The following PAPPA2 variants were observed in gnomAD, a reference collection of about 807,000 sequenced individuals.
PAPPA2 encodes the protein pappalysin-2.
PAPPA2 carries 86 observed loss-of-function variants against 176.4 expected under a neutral mutation model. The observed-to-expected ratio is 0.49, with a 90% CI of 0.41 to 0.58. PAPPA2 has a LOEUF of 0.58. Ranked by LOEUF, PAPPA2 falls within the 20% of genes least tolerant of loss-of-function variation. PAPPA2 has a pLI of 0.00. For missense variants in PAPPA2, 2,073 were observed against 2,256.9 expected (o/e 0.92, Z 1.65); for synonymous variants, 809 against 852.2 (o/e 0.95, Z 0.88).
intron 3 of PAPPA2, among the ~76,000 whole-genome samples, chr1:176,661,447 C>T (rs1485148047): frequency 4.6e-5 from 7 of 151,154 alleles, no homozygotes; most frequent in South Asian, 2.1e-4. Context: ...CTGAAGCTTC[C>T]GTTAGAACTG....
chr1:176,792,774 G>A (rs1284754994), intron 19 of PAPPA2, among the ~76,000 whole-genome samples: 1 of 151,952 alleles, frequency 6.6e-6, no homozygotes, highest in Admixed American at 6.6e-5. Context: ...AACCTAGACA[G>A]TAAGGACTAA....
chr1:176,763,485 A>G (rs78573046), intron 14 of PAPPA2, among the ~76,000 whole-genome samples: 2,398 of 152,306 alleles, frequency 0.016, 78 homozygotes, highest in African/African-American at 0.054. Flanking sequence ...AAATTTAACA[A>G]ATTTCTCACT....
chr1:176,757,266 C>T (rs1473556220), intron 14 of PAPPA2, among the ~76,000 whole-genome samples: 1 of 152,154 alleles, frequency 6.6e-6, no homozygotes, highest in Non-Finnish European at 1.5e-5. Context: ...GTTCTAGATC[C>T]TTGAGGAATC....
chr1:176,792,916 G>A (rs1333140209), intron 19 of PAPPA2, among the ~76,000 whole-genome samples: 2 of 152,124 alleles, frequency 1.3e-5, no homozygotes, highest in Non-Finnish European at 2.9e-5. Flanking sequence ...TTTTCTACAA[G>A]AGACCAACAC....
intron 1 of PAPPA2, among the ~76,000 whole-genome samples, chr1:176,497,867 G>C (rs1035242294): frequency 6.6e-6 from 1 of 152,068 alleles, no homozygotes; most frequent in African/African-American, 2.4e-5. Context: ...AATCCTATAG[G>C]CAATTATTTA....
At chr1:176,730,060 T>C (rs1662064209) in intron 12 of PAPPA2, among the ~76,000 whole-genome samples, 1 of 152,024 alleles carries the variant, frequency 6.6e-6, no homozygotes, top group Non-Finnish European at 1.5e-5. Flanking sequence ...TATTGGGTAA[T>C]CTTTTATTTT....
At chr1:176,834,191 G>T (rs560130232) in intron 21 of PAPPA2, among the ~76,000 whole-genome samples, 3 of 152,292 alleles carry the variant, frequency 2.0e-5, no homozygotes, top group African/African-American at 7.2e-5. Flanking sequence ...CAGAGGTTAA[G>T]CTCTATAATA....
Position 176,599,508 on chromosome 1 carries a change from C to CT in PAPPA2, c.1991+3929dup, listed in dbSNP as rs10592905. Among the ~76,000 whole-genome samples, 420 of 129,246 alleles carry CT rather than the reference C, an allele frequency of 3.2e-3. 3 individuals carry two copies. The highest frequency in any genetic ancestry group is 0.011 in the East Asian group (47 of 4,240). The allele number at this position is 129,246 out of a possible 152,430, so 84.8% of individuals were successfully genotyped here. A position where few individuals can be genotyped will look rare whatever the true frequency, so the allele number is the denominator to read the frequency against. ...ACGTTCTCTTTGTTAGTTTGTTCTA[C>CT]TTTTTTTTTTTTTTTTGAGATTTCT... On this transcript the variant is annotated intron_variant, in intron 3 of 22. Transcript: ENST00000367662.
At chr1:176,617,267 A>G (rs1237945699) in intron 3 of PAPPA2, among the ~76,000 whole-genome samples, 2 of 152,268 alleles carry the variant, frequency 1.3e-5, no homozygotes, top group Non-Finnish European at 2.9e-5. Flanking sequence ...TTATGGCCTA[A>G]TCATACAGCT....
intron 17 of PAPPA2, 102 bp from the exon 18 acceptor site, chr1:176,789,707 C>G (rs184397655): frequency 1.5e-6 from 2 of 1,316,148 alleles, no homozygotes; most frequent in Non-Finnish European, 2.1e-6. Context: ...ACCATCTGTC[C>G]CTGCCTATTT....
chr1:176,749,842 G>A lies in PAPPA2; in HGVS notation c.4151+9646G>A, dbSNP rs970916476. On this transcript the variant is annotated intron_variant, in intron 14 of 22. Coordinates refer to ENST00000367662, the MANE Select transcript of PAPPA2 (RefSeq NM_020318.3). ...TTATCATTCAATAATATTCCATTAT[G>A]TGAATGTACAACCGTTTATTTATCC... is the stretch of plus-strand genomic sequence containing the variant. Among the ~76,000 whole-genome samples the A allele has an allele frequency of 3.9e-5, 6 of 152,194 alleles. 1 individual carries two copies. Among genetic ancestry groups the A allele is most frequent in the Admixed American group, 3.9e-4 (6 of 15,292 alleles).
chr1:176,824,017 A>G (rs10913259), intron 21 of PAPPA2, among the ~76,000 whole-genome samples: 23,132 of 152,230 alleles, frequency 0.15, 1,861 homozygotes, highest in Middle Eastern at 0.24. Flanking sequence ...TATGTCTGCA[A>G]TAGGATAGTA....
intron 17 of PAPPA2, among the ~76,000 whole-genome samples, chr1:176,777,114 T>G (rs1664488876): frequency 6.6e-6 from 1 of 152,134 alleles, no homozygotes; most frequent in African/African-American, 2.4e-5. Flanking sequence ...TTGAGTGATT[T>G]CTAGCTCCAA....
rs746153479 is a variant in PAPPA2, at chr1:176,690,315, C to T, written c.2316C>T (p.Ala772=). 9 of 1,614,104 alleles carry T rather than the reference C, an allele frequency of 5.6e-6. No individual in the cohort carries two copies. Among genetic ancestry groups the T allele is most frequent in the East Asian group, 2.2e-5 (1 of 44,870 alleles). The stretch of plus-strand genomic sequence containing the variant: ...CCATGGAAACGGGAGACCTCTGTGC[C>T]GACACCGCCCCCACTCCCAAGAGTG... The part of the protein sequence containing the change: ...VPSMETGDLC[A]DTAPTPKSEL... The change falls in exon 5 of 23, where the codon GCC becomes GCT. Residue 772 remains alanine (A), a synonymous_variant. Coordinates refer to ENST00000367662, the MANE Select transcript of PAPPA2 (RefSeq NM_020318.3).
At chr1:176,479,644 G>A (rs1652296187) in intron 1 of PAPPA2, among the ~76,000 whole-genome samples, 1 of 152,170 alleles carries the variant, frequency 6.6e-6, no homozygotes, top group South Asian at 2.1e-4. Flanking sequence ...AATGAATAAA[G>A]GAGGGTCCTC....
At chr1:176,709,952 T>C in intron 10 of PAPPA2, 31 bp from the exon 11 acceptor site, 3 of 1,559,674 alleles carry the variant, frequency 1.9e-6, no homozygotes, top group Non-Finnish European at 2.6e-6. Context: ...ATGAAAACAC[T>C]TTTTCTGTGT....
chr1:176,471,446 C>A (rs1470516075), intron 1 of PAPPA2, among the ~76,000 whole-genome samples: 1 of 152,072 alleles, frequency 6.6e-6, no homozygotes, highest in Non-Finnish European at 1.5e-5. Context: ...AAATAAAACA[C>A]AAATATAGAA....
intron 12 of PAPPA2, among the ~76,000 whole-genome samples, chr1:176,717,818 G>A (rs1661445645): frequency 6.6e-6 from 1 of 151,992 alleles, no homozygotes; most frequent in South Asian, 2.1e-4. Context: ...TAAGATATTT[G>A]GAAAACCAAC....
At chr1:176,826,716 G>C (rs1666874651) in intron 21 of PAPPA2, among the ~76,000 whole-genome samples, 1 of 152,188 alleles carries the variant, frequency 6.6e-6, no homozygotes, top group African/African-American at 2.4e-5. Flanking sequence ...CCATTTTTCA[G>C]GTCAACTGGA....
Sources: allele counts gnomAD v4.1 joint callset (sites outside exome capture counted in the v4.1 genomes callset), GRCh38; gene constraint gnomAD v4.1.1; transcripts MANE v1.5; gene names NCBI Gene and HGNC (gene_info 2026-07-23, HGNC 2026-07-21).